ANKS1A: variants seen among roughly 807,000 people sequenced by gnomAD.
The protein encoded by ANKS1A is ankyrin repeat and SAM domain-containing protein 1A.
Under a neutral mutation model 120.3 loss-of-function variants are expected in ANKS1A, and 55 were observed. That is an observed-to-expected ratio of 0.46 (90% CI 0.37 to 0.57). The LOEUF is 0.57. Ranked by LOEUF, ANKS1A falls within the 20% of genes least tolerant of loss-of-function variation. The pLI is 0.00. For synonymous variants in ANKS1A, 590 were observed against 604.7 expected (o/e 0.98, Z 0.36); for missense variants, 1,123 against 1,480.3 (o/e 0.76, Z 3.96).
At chr6:35,092,070 T>C (rs376485914), downstream of ANKS1A, among the ~76,000 whole-genome samples, 7 of 152,202 alleles carry the variant, frequency 4.6e-5, no homozygotes, top group African/African-American at 1.7e-4. Context: ...CTGCTAGCTT[T>C]CCAGGCAACC....
intron 1 of ANKS1A, among the ~76,000 whole-genome samples, chr6:34,908,760 C>T (rs1313994390): frequency 6.6e-6 from 1 of 151,946 alleles, no homozygotes; most frequent in Non-Finnish European, 1.5e-5. Flanking sequence ...ATTTGCTGAC[C>T]CTTTACAATA....
chr6:34,949,943 T>G (rs947889152), intron 1 of ANKS1A, among the ~76,000 whole-genome samples: 7 of 152,076 alleles, frequency 4.6e-5, no homozygotes, highest in Non-Finnish European at 5.9e-5. Context: ...AGAAATAAAT[T>G]TTCTCCAGAA....
At chr6:34,893,217 C>T (rs992889122) in intron 1 of ANKS1A, among the ~76,000 whole-genome samples, 1 of 152,162 alleles carries the variant, frequency 6.6e-6, no homozygotes, top group African/African-American at 2.4e-5. Context: ...TATTCTAAGT[C>T]CTCAGTCTTA....
rs1310691039 is a variant in ANKS1A, at chr6:35,083,437, G to A, written c.2928G>A (p.Lys976=). The stretch of plus-strand genomic sequence containing the variant: ...TGTAGAAATCTACGGAGCACATGAA[G>A]AAGATCCCCACCATCATCCTGTCCA... ...AKMRKSTEHM[K]KIPTIILSIT... Residue 976 remains lysine (K), a synonymous_variant, in exon 20 of 24, where the codon AAG becomes AAA. Transcript: ENST00000360359. 4 of 1,613,944 alleles carry A rather than the reference G, an allele frequency of 2.5e-6. No homozygotes were observed. Among genetic ancestry groups the A allele is most frequent in the Admixed American group, 1.7e-5 (1 of 59,998 alleles).
chr6:34,999,461 G>A (rs1773036446), intron 10 of ANKS1A, among the ~76,000 whole-genome samples: 1 of 152,202 alleles, frequency 6.6e-6, no homozygotes, highest in South Asian at 2.1e-4. Context: ...TTTTGTGCGT[G>A]TGGTGTGAGC....
chr6:35,085,230 ATGAGGT>A lies in ANKS1A; in HGVS notation c.3133-535_3133-530del, dbSNP rs1479555638. ...CACCTCAGGGGCCACTGTGAGATGG[ATGAGGT>A]GGTCCACACAGCACAGTCAGTGGCA... On this transcript the variant is annotated intron_variant, in intron 21 of 23. Transcript: ENST00000360359. This position sits in a 1 kb window ranked among gnomAD's most constrained non-coding sequence, Gnocchi z 4.7. 2.6e-5 allele frequency among the ~76,000 whole-genome samples: 4 copies of A among 152,152 alleles called. No individual in the cohort carries two copies. The highest frequency in any genetic ancestry group is 5.9e-5 in the Non-Finnish European group (4 of 68,016).
chr6:35,091,577 C>CAGTT (rs1291830678), downstream of ANKS1A, among the ~76,000 whole-genome samples: 1 of 152,086 alleles, frequency 6.6e-6, no homozygotes, highest in South Asian at 2.1e-4. Flanking sequence ...CTCTAACAAA[C>CAGTT]AGTTAGTTAC....
intron 1 of ANKS1A, among the ~76,000 whole-genome samples, chr6:34,952,124 G>A (rs746505195): frequency 2.0e-5 from 3 of 152,174 alleles, no homozygotes; most frequent in Non-Finnish European, 2.9e-5. Context: ...CTAGCTCTGC[G>A]ACCCTGGGTA....
Position 34,894,780 on chromosome 6 carries a change from G to T in ANKS1A, c.197+5181G>T, listed in dbSNP as rs79587739. 1.6e-3 allele frequency among the ~76,000 whole-genome samples: 248 copies of T among 152,270 alleles called. 1 individual carries two copies. Among genetic ancestry groups the T allele is most frequent in the African/African-American group, 5.0e-3 (208 of 41,546 alleles). On this transcript the variant is annotated intron_variant, in intron 1 of 23. Transcript: ENST00000360359. ...AAGTAAAGTGAAATGTACTTCTTAG[G>T]GTTCAGAAGCACAGAGAAACTAAAC... is the stretch of plus-strand genomic sequence containing the variant.
At chr6:34,920,815 A>G (rs142789371) in intron 1 of ANKS1A, among the ~76,000 whole-genome samples, 1 of 152,234 alleles carries the variant, frequency 6.6e-6, no homozygotes, top group African/African-American at 2.4e-5. Context: ...GGCACATAAT[A>G]TTTTCACTCA....
At chr6:35,023,560 A>G (rs116330803) in intron 11 of ANKS1A, 5,571 of 439,700 alleles carry the variant, frequency 0.013, 68 homozygotes, top group Non-Finnish European at 0.014. Context: ...TCACTCTTTG[A>G]CTGAATATTG....
At position 35,018,002 on chromosome 6, in the gene ANKS1A, CA is replaced by C; in HGVS notation, c.1954del (p.Ser652AlafsTer7). The C allele has an allele frequency of 6.2e-7, 1 of 1,614,212 alleles. No homozygotes were observed. Among genetic ancestry groups the C allele is most frequent in the Non-Finnish European group, 8.5e-7 (1 of 1,180,034 alleles). On this transcript the variant is annotated frameshift_variant, in exon 11 of 24. Coordinates refer to ENST00000360359, the MANE Select transcript of ANKS1A (RefSeq NM_015245.3). LOFTEE classifies it high-confidence loss of function. ...GSRSESLSNCSIGKKRLEKSP... is the reference protein window; with the variant it reads ...GSRSESLSNCXIGKKRLEKSP... Reference sequence around the variant, plus strand: ...GTCGGAGTGAGTCCTTATCCAACTGCAGCATTGGGAAGAAAAGGCTAGAGAA... The same window carrying C: ...GTCGGAGTGAGTCCTTATCCAACTGCGCATTGGGAAGAAAAGGCTAGAGAA...
At position 35,086,662 on chromosome 6, in the gene ANKS1A, G is replaced by C. The variant is rs1043988979; in HGVS notation, c.3304-290G>C. On this transcript the variant is annotated intron_variant, in intron 22 of 23. Transcript: ENST00000360359. The surrounding 1 kb of genome is among the most constrained non-coding windows in gnomAD (Gnocchi z 5.1). The stretch of plus-strand genomic sequence containing the variant: ...CATATCCCCTTCCTGCCCAGTGTGA[G>C]TGGGTCTGGGGCTTAGAGCAGGAGG... Among the ~76,000 whole-genome samples, 1 of 152,146 alleles carries C rather than the reference G, an allele frequency of 6.6e-6. No individual in the cohort carries two copies. The highest frequency in any genetic ancestry group is 6.5e-5 in the Admixed American group (1 of 15,286).
At chr6:34,904,297 T>C (rs895137963) in intron 1 of ANKS1A, among the ~76,000 whole-genome samples, 2 of 152,188 alleles carry the variant, frequency 1.3e-5, no homozygotes, top group African/African-American at 4.8e-5. Flanking sequence ...ATGTTTAATA[T>C]AGATGCAGCC....
At chr6:35,021,984 T>TA (rs35470171) in intron 11 of ANKS1A, among the ~76,000 whole-genome samples, 31,074 of 135,862 alleles carry the variant, frequency 0.23, 3,528 homozygotes, top group African/African-American at 0.29. Flanking sequence ...AGACTCTGTC[T>TA]AAAAAAAAAA....
intron 1 of ANKS1A, among the ~76,000 whole-genome samples, chr6:34,922,432 A>G (rs959094431): frequency 6.6e-6 from 1 of 152,130 alleles, no homozygotes. Context: ...AATTCAAGCT[A>G]TTGTTTTCAC....
At chr6:34,971,159 A>G (rs774846706) in intron 3 of ANKS1A, among the ~76,000 whole-genome samples, 5 of 152,352 alleles carry the variant, frequency 3.3e-5, no homozygotes, top group Middle Eastern at 3.4e-3. Flanking sequence ...ATGAACTCAC[A>G]AATCAGGAAC....
At chr6:34,988,005 T>C (rs893371229) in intron 8 of ANKS1A, among the ~76,000 whole-genome samples, 1 of 152,290 alleles carries the variant, frequency 6.6e-6, no homozygotes, top group East Asian at 1.9e-4. Context: ...ATGGCAAATA[T>C]CTCTTCAGCT....
At position 34,985,644 on chromosome 6, in the gene ANKS1A, C is replaced by G. The variant is rs188068577; in HGVS notation, c.1209+366C>G. ...CTGTTTTCTCTCTGAAAAGCAGAAG[C>G]ATACAGTGAAAGCTCACTGAAATGA... is the stretch of plus-strand genomic sequence containing the variant. On this transcript the variant is annotated intron_variant, in intron 8 of 23. Transcript: ENST00000360359. Among the ~76,000 whole-genome samples, 101 of 152,320 alleles carry G rather than the reference C, an allele frequency of 6.6e-4. 1 individual carries two copies. The highest frequency in any genetic ancestry group is 1.1e-3 in the Non-Finnish European group (75 of 68,026).
Sources: gnomAD v4.1 joint callset for allele counts (sites outside exome capture counted in the v4.1 genomes callset) on GRCh38, gnomAD v4.1.1 for gene constraint, Gnocchi (gnomAD v3.1) non-coding constraint, MANE v1.5 for transcripts, NCBI Gene and HGNC (gene_info 2026-07-23, HGNC 2026-07-21) for gene names.